The following SMC1B variants were observed in gnomAD, a reference collection of about 807,000 sequenced individuals.
SMC1B encodes structural maintenance of chromosomes protein 1B.
SMC1B carries 60 observed loss-of-function variants against 157.9 expected under a neutral mutation model. That is an observed-to-expected ratio of 0.38 (90% CI 0.31 to 0.47). The LOEUF (loss-of-function observed/expected upper bound fraction) is 0.47, where lower values mean the gene tolerates loss of function less well. SMC1B is among the 20% of genes least tolerant of loss of function. The pLI is 0.99. For synonymous variants in SMC1B, 445 were observed against 483.0 expected (o/e 0.92, Z 1.03); for missense variants, 1,165 against 1,426.2 (o/e 0.82, Z 2.95).
chr22:45,406,696 A>C, intron 3 of SMC1B, 33 bp from the exon 4 acceptor site: 1 of 1,581,834 alleles, frequency 6.3e-7, no homozygotes, highest in Non-Finnish European at 8.6e-7. Flanking sequence ...TCAACATATA[A>C]AATATAGTGA....
In SMC1B at chr22:45,370,098, A is replaced by C. The variant is rs747039414; in HGVS notation, c.2314-38T>G. 9 of 1,147,648 alleles carry C rather than the reference A, an allele frequency of 7.8e-6. No homozygotes were observed. In the Admixed American group the frequency reaches 1.1e-4, roughly 14 times the overall value. The allele number at this position is 1,147,648 out of a possible 1,614,324, so 71.1% of individuals were successfully genotyped here. ...TTTAAAACAATTGATTTAATAAGCA[A>C]TTTTAAGAAATATATAATCTTAAAT... On this transcript the variant is annotated intron_variant, in intron 14 of 24. Coordinates refer to ENST00000357450, the MANE Select transcript of SMC1B (RefSeq NM_148674.5).
At chr22:45,389,530 G>A (rs930703856) in intron 10 of SMC1B, among the ~76,000 whole-genome samples, 182 bp downstream of exon 10, 10 of 152,178 alleles carry the variant, frequency 6.6e-5, no homozygotes, top group African/African-American at 2.2e-4. Context: ...AAGAAAGAGA[G>A]TAGCCACTTG....
intron 11 of SMC1B, among the ~76,000 whole-genome samples, chr22:45,384,236 C>T (rs1029016341): frequency 1.5e-4 from 23 of 152,102 alleles, no homozygotes; most frequent in African/African-American, 5.3e-4. Flanking sequence ...TATTATTGTT[C>T]TTTTCCATAG....
In SMC1B at chr22:45,379,723, C is replaced by CTTTTT. The variant is rs136583; in HGVS notation, c.2058+3739_2058+3743dup. 9.6e-4 allele frequency among the ~76,000 whole-genome samples: 88 copies of CTTTTT among 91,470 alleles called. 3 individuals are homozygous for CTTTTT. The highest frequency in any genetic ancestry group is 1.1e-3 in the African/African-American group (25 of 22,162). The allele number at this position is 91,470 out of a possible 152,430, so 60.0% of individuals were successfully genotyped here. ...TAGAGTACTTTCCTTTTTCTTTTTA[C>CTTTTT]TTTTTTTTTTTTTTTTTTTTTTGAG... On this transcript the variant is annotated intron_variant, in intron 12 of 24. Transcript: ENST00000357450.
chr22:45,369,489 GGA>G (rs1335638765), intron 15 of SMC1B, among the ~76,000 whole-genome samples: 4 of 150,546 alleles, frequency 2.7e-5, no homozygotes, highest in Non-Finnish European at 5.9e-5. Flanking sequence ...AAAAAATTAT[GGA>G]ACAAAAAAGT....
At chr22:45,387,377 G>C (rs763102649) in intron 10 of SMC1B, among the ~76,000 whole-genome samples, 14 of 152,120 alleles carry the variant, frequency 9.2e-5, no homozygotes, top group Non-Finnish European at 1.8e-4. Flanking sequence ...TTGAACTTGG[G>C]AGACAGTAGT....
chr22:45,346,436 T>C (rs1189377921), intron 23 of SMC1B, among the ~76,000 whole-genome samples: 1 of 152,116 alleles, frequency 6.6e-6, no homozygotes, highest in Non-Finnish European at 1.5e-5. Context: ...ACTTGGACGG[T>C]GATAAACCCC....
intron 15 of SMC1B, among the ~76,000 whole-genome samples, chr22:45,366,120 T>G (rs1206998419): frequency 1.3e-5 from 2 of 152,152 alleles, no homozygotes; most frequent in Non-Finnish European, 2.9e-5. Flanking sequence ...GCCTCCCAGG[T>G]TCAAGCAATT....
rs570406586 is a variant in SMC1B at position 45,404,301 on chromosome 22, T to C, written c.616-1730A>G. 2.6e-5 allele frequency among the ~76,000 whole-genome samples: 4 copies of C among 152,364 alleles called. No individual in the cohort carries two copies. The South Asian group carries it at 8.3e-4, about 32-fold the overall frequency. ...ACTTTCCAACCTGATGCTGGCATAG[T>C]ATCACATGACAGATAAGGAAGGAAA... On this transcript the variant is annotated intron_variant, in intron 4 of 24. Transcript: ENST00000357450.
chr22:45,380,767 TA>T (rs995563196), intron 12 of SMC1B, among the ~76,000 whole-genome samples: 2 of 150,984 alleles, frequency 1.3e-5, no homozygotes, highest in Non-Finnish European at 3.0e-5. Flanking sequence ...AAAATTAAAA[TA>T]AAAAAAAATT....
At chr22:45,383,666 A>G (rs1307142059) in intron 11 of SMC1B, 53 bp from the exon 12 acceptor site, 2 of 1,461,284 alleles carry the variant, frequency 1.4e-6, no homozygotes, top group African/African-American at 1.5e-5. Context: ...AGATACAAAT[A>G]AAGACACAAT....
intron 1 of SMC1B, among the ~76,000 whole-genome samples, chr22:45,410,030 C>T (rs1410996742): frequency 6.6e-6 from 1 of 152,184 alleles, no homozygotes; most frequent in Non-Finnish European, 1.5e-5. Context: ...TGGTGGGCAA[C>T]ATTTCACATG....
Position 45,370,034 on chromosome 22 carries a change from G to A in SMC1B, c.2340C>T (p.Phe780=), listed in dbSNP as rs767633712. 50 of 1,586,482 alleles carry A rather than the reference G, an allele frequency of 3.2e-5. No homozygotes were observed. In the South Asian group the frequency reaches 5.6e-4, roughly 18 times the overall value. The part of the protein sequence containing the change: ...DKVEDDIFQH[F]CEEIGVENIR... ...TATTTTCCACGCCAATTTCTTCACA[G>A]AAGTGTTGGAAGATATCGTCTTCTA... The change falls in exon 15 of 25, where the codon TTC becomes TTT. Residue 780 remains phenylalanine (F), a synonymous_variant. Transcript: ENST00000357450.
intron 12 of SMC1B, among the ~76,000 whole-genome samples, chr22:45,383,063 G>T (rs1301396844): frequency 6.6e-6 from 1 of 152,020 alleles, no homozygotes; most frequent in African/African-American, 2.4e-5. Flanking sequence ...AACCCAGGAG[G>T]CGGAGGTTGT....
At chr22:45,400,942 A>T (rs919833082) in intron 5 of SMC1B, among the ~76,000 whole-genome samples, 3 of 152,160 alleles carry the variant, frequency 2.0e-5, no homozygotes, top group African/African-American at 7.2e-5. Flanking sequence ...GATGTTCTAT[A>T]AAAAAACTGA....
intron 6 of SMC1B, among the ~76,000 whole-genome samples, chr22:45,398,524 A>G (rs961588897): frequency 1.3e-5 from 2 of 152,144 alleles, no homozygotes; most frequent in Non-Finnish European, 2.9e-5. Flanking sequence ...TGGCTGACAA[A>G]GTGACTGAGA....
chr22:45,371,438 A>G (rs774195300), intron 14 of SMC1B, 33 bp downstream of exon 14: 1 of 1,553,288 alleles, frequency 6.4e-7, no homozygotes, highest in Non-Finnish European at 8.7e-7. Context: ...AGAACTACAT[A>G]TACCATTTAG....
intron 4 of SMC1B, among the ~76,000 whole-genome samples, chr22:45,405,558 T>G (rs961666212): frequency 1.3e-5 from 2 of 151,082 alleles, no homozygotes. Context: ...AGACTCTCAG[T>G]GCAGTGAGAA....
At position 45,405,156 on chromosome 22, in the gene SMC1B, T is replaced by C. The variant is rs142156724; in HGVS notation, c.615+1304A>G. On this transcript the variant is annotated intron_variant, in intron 4 of 24. Transcript: ENST00000357450. ...AGAGGAAATAGCAAAAGCCCCAGAATAGAAAGGAGTTTGGTGTGTTCAACA... is the reference window on the plus strand; with the variant it reads ...AGAGGAAATAGCAAAAGCCCCAGAACAGAAAGGAGTTTGGTGTGTTCAACA... Among the ~76,000 whole-genome samples the C allele has an allele frequency of 4.4e-4, 67 of 151,900 alleles. No individual in the cohort carries two copies. In the East Asian group the frequency reaches 0.012, roughly 26 times the overall value.
Sources: gnomAD v4.1 joint callset for allele counts (sites outside exome capture counted in the v4.1 genomes callset) on GRCh38, gnomAD v4.1.1 for gene constraint, MANE v1.5 for transcripts, NCBI Gene and HGNC (gene_info 2026-07-23, HGNC 2026-07-21) for gene names.